The following KIAA0319L variants were observed in gnomAD, a reference collection of about 807,000 sequenced individuals.
KIAA0319L encodes KIAA0319 like.
Under a neutral mutation model 120.1 loss-of-function variants are expected in KIAA0319L, and 55 were observed. The ratio of observed to expected loss-of-function variants is 0.46; its 90% CI spans 0.37 to 0.57. The LOEUF (loss-of-function observed/expected upper bound fraction) is 0.57. Among genes scored for constraint, KIAA0319L ranks in the 20% least tolerant of loss-of-function variants. The pLI is 0.00. For synonymous variants in KIAA0319L, 398 were observed against 471.9 expected, an observed-to-expected ratio of 0.84 and a Z score of 2.03; for missense variants, 1,049 against 1,255.3, an observed-to-expected ratio of 0.84 and a Z score of 2.48.
At chr1:35,449,787 C>T (rs1168604451) in intron 15 of KIAA0319L, 80 bp downstream of exon 15, 7 of 1,509,366 alleles carry the variant, frequency 4.6e-6, no homozygotes, top group East Asian at 4.5e-5. Flanking sequence ...TGTCCATGCT[C>T]GGGGAAGGGG....
chr1:35,455,369 T>C (rs1642363352), intron 10 of KIAA0319L, among the ~76,000 whole-genome samples: 1 of 152,136 alleles, frequency 6.6e-6, no homozygotes, highest in Non-Finnish European at 1.5e-5. Context: ...TTTCTTTATG[T>C]TACCTGCCTG....
chr1:35,527,732 T>C (rs1187782420), intron 2 of KIAA0319L, among the ~76,000 whole-genome samples: 3 of 152,148 alleles, frequency 2.0e-5, no homozygotes, highest in African/African-American at 7.2e-5. Flanking sequence ...GTGATATCAG[T>C]TGTAAGGTCT....
chr1:35,470,213 C>T (rs969244291), intron 6 of KIAA0319L, among the ~76,000 whole-genome samples: 3 of 151,984 alleles, frequency 2.0e-5, no homozygotes, highest in Non-Finnish European at 2.9e-5. Context: ...TGTACTTAGG[C>T]TGGGCATGGT....
intron 2 of KIAA0319L, among the ~76,000 whole-genome samples, chr1:35,550,907 A>G (rs1469494176): frequency 6.6e-6 from 1 of 152,166 alleles, no homozygotes; most frequent in African/African-American, 2.4e-5. Context: ...ATAGTATCCC[A>G]CCATGTGGAG....
chr1:35,443,998 C>A (rs1570616365), intron 17 of KIAA0319L, 163 bp downstream of exon 17: 1 of 556,310 alleles, frequency 1.8e-6, no homozygotes, highest in South Asian at 4.7e-5. Context: ...GTTAAGAATC[C>A]CCAGTGATGA....
intron 2 of KIAA0319L, among the ~76,000 whole-genome samples, chr1:35,540,413 A>T (rs1646743415): frequency 6.6e-6 from 1 of 152,234 alleles, no homozygotes; most frequent in Admixed American, 6.5e-5. Context: ...AAAGGGCAGG[A>T]GCACCCTAAT....
chr1:35,507,368 A>G (rs1164828673), intron 2 of KIAA0319L, among the ~76,000 whole-genome samples: 2 of 152,212 alleles, frequency 1.3e-5, no homozygotes, highest in Non-Finnish European at 2.9e-5. Flanking sequence ...CTTCTCAATG[A>G]GTTCCTGCCA....
In KIAA0319L at chr1:35,516,531, G is replaced by A. The variant is rs531225083; in HGVS notation, c.143-9396C>T. Among the ~76,000 whole-genome samples the A allele has an allele frequency of 3.5e-4, 53 of 152,172 alleles. 1 individual carries two copies. Among genetic ancestry groups the A allele is most frequent in the South Asian group, 1.0e-3 (5 of 4,816 alleles). ...CATGTTAAAAACTCTCAATAAACTA[G>A]ATATTGAAGGAACATACCTCAAAGT... On this transcript the variant is annotated intron_variant, in intron 2 of 20. Transcript: ENST00000325722.
chr1:35,457,609 C>CAA (rs1407874440), intron 9 of KIAA0319L, among the ~76,000 whole-genome samples: 3 of 152,142 alleles, frequency 2.0e-5, no homozygotes, highest in African/African-American at 7.2e-5. Flanking sequence ...CATGCCACCT[C>CAA]AAAATGTGAG....
chr1:35,555,193 T>TA (rs1558696138), intron 1 of KIAA0319L, among the ~76,000 whole-genome samples: 1 of 152,154 alleles, frequency 6.6e-6, no homozygotes, highest in African/African-American at 2.4e-5. Flanking sequence ...TCATTTACCA[T>TA]AAATTTCTCC....
At chr1:35,502,449 T>C (rs1374286897) in intron 3 of KIAA0319L, among the ~76,000 whole-genome samples, 1 of 150,834 alleles carries the variant, frequency 6.6e-6, no homozygotes, top group South Asian at 2.1e-4. Flanking sequence ...ATCATCATCA[T>C]CATCATCATC....
intron 13 of KIAA0319L, among the ~76,000 whole-genome samples, chr1:35,450,741 C>T (rs572142529): frequency 2.0e-5 from 3 of 152,288 alleles, no homozygotes; most frequent in East Asian, 1.9e-4. Flanking sequence ...ACAGAGGGGA[C>T]GAGTGTGCTT....
At chr1:35,435,835 A>C (rs1240485603) in intron 20 of KIAA0319L, among the ~76,000 whole-genome samples, 1 of 152,222 alleles carries the variant, frequency 6.6e-6, no homozygotes, top group Non-Finnish European at 1.5e-5. Context: ...TGGTCTGATA[A>C]GAAGAGTTCC....
At chr1:35,502,754 C>T (rs888199984) in intron 3 of KIAA0319L, among the ~76,000 whole-genome samples, 2 of 152,324 alleles carry the variant, frequency 1.3e-5, no homozygotes, top group African/African-American at 4.8e-5. Context: ...AAATGCCAAA[C>T]TTGTCTACTT....
chr1:35,494,445 T>C (rs1015630424), intron 3 of KIAA0319L, among the ~76,000 whole-genome samples: 1 of 151,530 alleles, frequency 6.6e-6, no homozygotes, highest in Non-Finnish European at 1.5e-5. Flanking sequence ...TGAGACTCCG[T>C]CTCAAAAAAT....
rs992724214 is a variant in KIAA0319L, at chr1:35,434,721, G to A, written c.*173C>T. On this transcript the variant is annotated 3_prime_UTR_variant, in exon 21 of 21. Coordinates refer to ENST00000325722, the MANE Select transcript of KIAA0319L (RefSeq NM_024874.5). ...AGGAAACCTCTTCATTCACAGCTTC[G>A]TTGAGGGGTTCCTGGAGGACGTCTC... is the stretch of plus-strand genomic sequence containing the variant. 15 of 585,210 alleles carry A rather than the reference G, an allele frequency of 2.6e-5. No individual in the cohort carries two copies. Among genetic ancestry groups the A allele is most frequent in the African/African-American group, 2.1e-4 (11 of 52,710 alleles). The allele number at this position is 585,210 out of a possible 1,614,324, so 36.3% of individuals were successfully genotyped here.
chr1:35,461,029 G>T (rs1034749845), intron 8 of KIAA0319L, among the ~76,000 whole-genome samples: 1 of 152,128 alleles, frequency 6.6e-6, no homozygotes, highest in African/African-American at 2.4e-5. Flanking sequence ...AATAGCAAAA[G>T]AATGAAAGTA....
chr1:35,557,297 C>A lies in KIAA0319L; in HGVS notation c.-119G>T. The A allele has an allele frequency of 4.4e-6, 1 of 228,842 alleles. No homozygotes were observed. The highest frequency in any genetic ancestry group is 8.5e-6 in the Non-Finnish European group (1 of 117,402). The allele number at this position is 228,842 out of a possible 1,614,324, so 14.2% of individuals were successfully genotyped here. On this transcript the variant is annotated 5_prime_UTR_variant, in exon 1 of 21. Coordinates refer to ENST00000325722, the MANE Select transcript of KIAA0319L (RefSeq NM_024874.5). ...GCTCGGGGACCCCCAACCTTCGCTC[C>A]CCTCACCCGGAGGAGGAGGAGGAAG...
chr1:35,481,940 T>A (rs1343387505), intron 3 of KIAA0319L, among the ~76,000 whole-genome samples: 1 of 144,482 alleles, frequency 6.9e-6, no homozygotes, highest in Non-Finnish European at 1.5e-5. Flanking sequence ...TTCTCCTGCC[T>A]CAGCCTCCTG....
Sources: gnomAD v4.1 joint callset for allele counts (sites outside exome capture counted in the v4.1 genomes callset) on GRCh38, gnomAD v4.1.1 for gene constraint, MANE v1.5 for transcripts, NCBI Gene and HGNC (gene_info 2026-07-23, HGNC 2026-07-21) for gene names.